Variants in GALNTL6 observed in about 807,000 individuals in gnomAD.
The protein encoded by GALNTL6 is polypeptide N-acetylgalactosaminyltransferase-like 6.
A neutral mutation model predicts 73.7 loss-of-function variants in GALNTL6; 46 were observed. The observed-to-expected ratio is 0.62, with a 90% CI of 0.49 to 0.80. The LOEUF (loss-of-function observed/expected upper bound fraction) is 0.80, where lower values mean the gene tolerates loss of function less well. Among genes scored for constraint, GALNTL6 ranks in the 30% least tolerant of loss-of-function variants. GALNTL6 has a pLI of 0.00. For missense variants in GALNTL6, 604 were observed against 755.0 expected (o/e 0.80, Z 2.34); for synonymous variants, 259 against 263.7 (o/e 0.98, Z 0.17).
intron 5 of GALNTL6, among the ~76,000 whole-genome samples, chr4:172,481,470 C>G (rs1337218415): frequency 1.3e-5 from 2 of 150,094 alleles, no homozygotes; most frequent in Non-Finnish European, 3.0e-5. Context: ...CCTTATCTGA[C>G]CCCACCCACA....
intron 9 of GALNTL6, among the ~76,000 whole-genome samples, chr4:172,947,448 A>C (rs1289418020): frequency 6.6e-6 from 1 of 152,196 alleles, no homozygotes; most frequent in African/African-American, 2.4e-5. Flanking sequence ...TCAAAAAAAC[A>C]AGAACTCCAG....
intron 5 of GALNTL6, among the ~76,000 whole-genome samples, chr4:172,495,591 T>C (rs1200341235): frequency 6.6e-6 from 1 of 152,170 alleles, no homozygotes; most frequent in Non-Finnish European, 1.5e-5. Flanking sequence ...GCACTCTATA[T>C]ACTATACGGT....
At chr4:172,798,655 A>G (rs1740422817) in intron 5 of GALNTL6, among the ~76,000 whole-genome samples, 1 of 152,200 alleles carries the variant, frequency 6.6e-6, no homozygotes, top group Admixed American at 6.5e-5. Context: ...AAGTCAAATC[A>G]TCTCCCAAAA....
chr4:172,307,364 G>A (rs1264632153), intron 3 of GALNTL6, among the ~76,000 whole-genome samples: 2 of 152,134 alleles, frequency 1.3e-5, no homozygotes, highest in African/African-American at 2.4e-5. Context: ...GTTTAATTAA[G>A]TCCCATCTAT....
chr4:172,596,389 G>A (rs1212145053), intron 5 of GALNTL6, among the ~76,000 whole-genome samples: 1 of 150,558 alleles, frequency 6.6e-6, no homozygotes, highest in East Asian at 1.9e-4. Flanking sequence ...AGGTTGCCGT[G>A]TGCTGTGATC....
At chr4:172,139,468 T>C (rs1258113436) in intron 2 of GALNTL6, among the ~76,000 whole-genome samples, 1 of 152,204 alleles carries the variant, frequency 6.6e-6, no homozygotes, top group East Asian at 1.9e-4. Flanking sequence ...AGGGAGAGAA[T>C]TATATCTCAC....
Position 172,806,874 on chromosome 4 carries a change from G to A in GALNTL6, c.554-2487G>A, listed in dbSNP as rs556925376. On this transcript the variant is annotated intron_variant, in intron 5 of 12. Transcript: ENST00000506823. ...ATAGAATGCCACTTGTTTATAAATT[G>A]ATGATATGGAAAGATTTCAATGCCT... 3.9e-5 allele frequency among the ~76,000 whole-genome samples: 6 copies of A among 152,272 alleles called. No individual in the cohort carries two copies. In the East Asian group the frequency reaches 1.2e-3, roughly 29 times the overall value.
chr4:172,123,355 A>G (rs1733202263), intron 2 of GALNTL6, among the ~76,000 whole-genome samples: 1 of 152,202 alleles, frequency 6.6e-6, no homozygotes, highest in South Asian at 2.1e-4. Flanking sequence ...AAATAGAGAG[A>G]AAAAGTAAAT....
chr4:171,972,985 A>C (rs1156369037), intron 2 of GALNTL6, among the ~76,000 whole-genome samples: 5 of 152,206 alleles, frequency 3.3e-5, no homozygotes, highest in Non-Finnish European at 5.9e-5. Context: ...GAAATGTATT[A>C]CTATAATCTA....
chr4:171,900,965 T>G (rs1457585725), intron 2 of GALNTL6, among the ~76,000 whole-genome samples: 1 of 152,072 alleles, frequency 6.6e-6, no homozygotes, highest in Non-Finnish European at 1.5e-5. Context: ...AGGGCAAAAC[T>G]ATGGAGCAGG....
chr4:172,264,555 A>T (rs867414421), intron 3 of GALNTL6, among the ~76,000 whole-genome samples: 1 of 103,764 alleles, frequency 9.6e-6, no homozygotes, highest in Non-Finnish European at 2.0e-5. Context: ...ATATATGCCA[A>T]ATATATATAT....
In GALNTL6 at chr4:172,570,244, C is replaced by T. The variant is rs891500377; in HGVS notation, c.553+221555C>T. Among the ~76,000 whole-genome samples the T allele has an allele frequency of 7.9e-5, 12 of 152,138 alleles. 1 individual carries two copies. The highest frequency in any genetic ancestry group is 2.9e-4 in the African/African-American group (12 of 41,502). ...CAGTGTGGAGGGGTTTTTGAGAGTC[C>T]TGAGTATGTGCATCTGCTGAAGGTA... is the stretch of plus-strand genomic sequence containing the variant. On this transcript the variant is annotated intron_variant, in intron 5 of 12. Transcript: ENST00000506823.
chr4:172,810,643 G>A (rs1741241558), intron 6 of GALNTL6, among the ~76,000 whole-genome samples: 1 of 152,092 alleles, frequency 6.6e-6, no homozygotes, highest in Admixed American at 6.6e-5. Context: ...ATTTAAAACA[G>A]GAAATAACCA....
intron 7 of GALNTL6, among the ~76,000 whole-genome samples, chr4:172,833,333 T>C (rs1042665742): frequency 1.3e-5 from 2 of 152,314 alleles, no homozygotes; most frequent in Non-Finnish European, 2.9e-5. Flanking sequence ...ATGATAACCA[T>C]TTATCATTCT....
intron 2 of GALNTL6, among the ~76,000 whole-genome samples, chr4:172,098,865 G>A (rs17058055): frequency 0.031 from 4,724 of 152,144 alleles, 254 homozygotes; most frequent in African/African-American, 0.11. Context: ...ACACAGGTCA[G>A]TACTCCACCC....
At chr4:172,925,109 T>G (rs1387610912) in intron 8 of GALNTL6, among the ~76,000 whole-genome samples, 5 of 151,556 alleles carry the variant, frequency 3.3e-5, no homozygotes, top group Non-Finnish European at 5.9e-5. Flanking sequence ...CCTGACCTCG[T>G]GATCCACCCA....
At chr4:172,813,514 T>C (rs1316485233) in intron 6 of GALNTL6, 26 bp from the exon 7 acceptor site, 1 of 1,573,392 alleles carries the variant, frequency 6.4e-7, no homozygotes, top group East Asian at 2.3e-5. Context: ...GCATGTCATT[T>C]CCTATTTTGT....
At chr4:172,359,147 G>A (rs1409955096) in intron 5 of GALNTL6, among the ~76,000 whole-genome samples, 1 of 152,044 alleles carries the variant, frequency 6.6e-6, no homozygotes, top group Admixed American at 6.6e-5. Context: ...TCCATCAATG[G>A]CAGACTGGAT....
At chr4:172,789,687 GT>G (rs548696283) in intron 5 of GALNTL6, among the ~76,000 whole-genome samples, 196 of 152,314 alleles carry the variant, frequency 1.3e-3, no homozygotes, top group African/African-American at 4.0e-3. Flanking sequence ...GTCCTCTTGG[GT>G]TTTTATGGAA....
Sources: gnomAD v4.1 joint callset for allele counts (sites outside exome capture counted in the v4.1 genomes callset) on GRCh38, gnomAD v4.1.1 for gene constraint, MANE v1.5 for transcripts, NCBI Gene and HGNC (gene_info 2026-07-23, HGNC 2026-07-21) for gene names.